PEX7: variants seen among roughly 807,000 people sequenced by gnomAD.
PEX7 encodes the protein PTS2 receptor.
PEX7 carries 34 observed loss-of-function variants against 47.5 expected under a neutral mutation model. The ratio of observed to expected loss-of-function variants is 0.72; its 90% CI spans 0.54 to 0.95. The LOEUF is 0.95. Among genes scored for constraint, PEX7 ranks in the 40% least tolerant of loss-of-function variants. PEX7 has a pLI of 0.00. For missense variants in PEX7, 394 were observed against 400.3 expected (o/e 0.98, Z 0.13); for synonymous variants, 141 against 148.8 (o/e 0.95, Z 0.38).
intron 4 of PEX7, 114 bp downstream of exon 4, chr6:136,845,806 T>C (rs1774587730): frequency 6.5e-6 from 5 of 763,580 alleles, no homozygotes; most frequent in Middle Eastern, 2.4e-4. Flanking sequence ...ACAGCTGAGC[T>C]TTCTTTTAAA....
rs750601054 is a variant in PEX7, at chr6:136,869,911, G to A, written c.655G>A (p.Val219Ile). The change falls in exon 7 of 10, where the codon GTT becomes ATT. Residue 219 changes from valine (V) to isoleucine (I), a missense_variant. Transcript: ENST00000318471. ...YNENLLVTGA[V>I]DCSLRGWDLR... The stretch of plus-strand genomic sequence containing the variant: ...TTAGAATTTGCTGGTGACCGGGGCG[G>A]TTGACTGTAGTTTGAGAGGCTGGGA... 4 of 1,613,992 alleles carry A rather than the reference G, an allele frequency of 2.5e-6. No individual in the cohort carries two copies. The highest frequency in any genetic ancestry group is 3.4e-6 in the Non-Finnish European group (4 of 1,179,896).
intron 5 of PEX7, among the ~76,000 whole-genome samples, chr6:136,860,678 AAG>A (rs538243056): frequency 0.14 from 4,991 of 35,584 alleles, 266 homozygotes; most frequent in African/African-American, 0.29. Context: ...TAAAAAAAAA[AAG>A]AAAGAAAGTG....
intron 5 of PEX7, among the ~76,000 whole-genome samples, chr6:136,858,465 G>A (rs748002697): frequency 2.0e-5 from 3 of 152,164 alleles, no homozygotes; most frequent in East Asian, 1.9e-4. Context: ...CTAGTCCAGC[G>A]ATTCTAGAAT....
chr6:136,863,391 T>G (rs966391126), intron 5 of PEX7, among the ~76,000 whole-genome samples: 1 of 152,102 alleles, frequency 6.6e-6, no homozygotes, highest in Non-Finnish European at 1.5e-5. Context: ...CAACCTTTTT[T>G]TAATGTAGCA....
At chr6:136,823,228 T>C in intron 1 of PEX7, 2 of 985,398 alleles carry the variant, frequency 2.0e-6, no homozygotes, top group Non-Finnish European at 2.4e-6. Flanking sequence ...ATTCCCAGTC[T>C]GCATTCGAGC....
At chr6:136,885,290 G>A (rs1361207967) in intron 8 of PEX7, among the ~76,000 whole-genome samples, 1 of 152,140 alleles carries the variant, frequency 6.6e-6, no homozygotes, top group East Asian at 1.9e-4. Context: ...CCAGTTTCAT[G>A]ATACTTTTAT....
intron 1 of PEX7, chr6:136,823,519 C>A: frequency 5.5e-6 from 1 of 182,524 alleles, no homozygotes; most frequent in Non-Finnish European, 1.0e-5. Context: ...GATCACATCA[C>A]TCTGCCCCAG....
At chr6:136,835,922 A>G (rs1318032764) in intron 3 of PEX7, among the ~76,000 whole-genome samples, 1 of 152,244 alleles carries the variant, frequency 6.6e-6, no homozygotes, top group Non-Finnish European at 1.5e-5. Context: ...GATGGAAACT[A>G]TAATAGAATA....
At chr6:136,911,936 A>G (rs1469037353) in intron 9 of PEX7, among the ~76,000 whole-genome samples, 1 of 152,204 alleles carries the variant, frequency 6.6e-6, no homozygotes, top group Non-Finnish European at 1.5e-5. Context: ...GCTGTTCCAC[A>G]TCCCTGCTGA....
intron 2 of PEX7, among the ~76,000 whole-genome samples, chr6:136,825,724 G>A (rs1327770376): frequency 6.6e-6 from 1 of 152,028 alleles, no homozygotes; most frequent in Non-Finnish European, 1.5e-5. Flanking sequence ...TAGTAGAGAT[G>A]GGGTTTCATC....
intron 8 of PEX7, among the ~76,000 whole-genome samples, chr6:136,897,055 T>C (rs1775664784): frequency 6.6e-6 from 1 of 152,226 alleles, no homozygotes; most frequent in Admixed American, 6.5e-5. Context: ...TTTGTAGATT[T>C]TGGTAATCTG....
At chr6:136,894,368 G>T (rs1775608067) in intron 8 of PEX7, among the ~76,000 whole-genome samples, 1 of 152,146 alleles carries the variant, frequency 6.6e-6, no homozygotes, top group Admixed American at 6.5e-5. Context: ...GAGGCGGGCA[G>T]ATCACGAGGT....
At chr6:136,897,015 T>G (rs952265499) in intron 8 of PEX7, among the ~76,000 whole-genome samples, 1 of 152,224 alleles carries the variant, frequency 6.6e-6, no homozygotes, top group African/African-American at 2.4e-5. Flanking sequence ...CAGGCAAATT[T>G]TCAAAAGTAA....
At chr6:136,912,886 A>T (rs1582786060) in intron 9 of PEX7, among the ~76,000 whole-genome samples, 1 of 152,218 alleles carries the variant, frequency 6.6e-6, no homozygotes, top group African/African-American at 2.4e-5. Flanking sequence ...GGCTCTGTAG[A>T]TGTGAATGTC....
chr6:136,872,700 A>G (rs1775203927), intron 8 of PEX7, among the ~76,000 whole-genome samples: 1 of 152,320 alleles, frequency 6.6e-6, no homozygotes, highest in Admixed American at 6.5e-5. Flanking sequence ...ATGTGTATAT[A>G]TGTGCATGGA....
chr6:136,860,407 CTCT>C (rs1217531458), intron 5 of PEX7, among the ~76,000 whole-genome samples: 1 of 118,268 alleles, frequency 8.5e-6, no homozygotes, highest in African/African-American at 3.7e-5. Context: ...CAAGCCATGG[CTCT>C]TTTTTTTTTT....
intron 8 of PEX7, among the ~76,000 whole-genome samples, chr6:136,896,715 A>G (rs1027846501): frequency 1.3e-5 from 2 of 152,174 alleles, no homozygotes; most frequent in Non-Finnish European, 2.9e-5. Flanking sequence ...GCCATATTAA[A>G]TGCTTATTTT....
rs548303895 is a variant in PEX7 at position 136,893,654 on chromosome 6, T to C, written c.804-4488T>C. 7.2e-5 allele frequency among the ~76,000 whole-genome samples: 11 copies of C among 152,394 alleles called. No individual in the cohort carries two copies. In the East Asian group the frequency reaches 1.3e-3, roughly 19 times the overall value. On this transcript the variant is annotated intron_variant, in intron 8 of 9. Coordinates refer to ENST00000318471, the MANE Select transcript of PEX7 (RefSeq NM_000288.4). ...AATAACTAAATGATGTGAAAGTAAG[T>C]GTTGTGACATTTTTGCTCCTTGCTC...
chr6:136,830,472 C>T (rs1362817161), intron 3 of PEX7, among the ~76,000 whole-genome samples: 1 of 152,110 alleles, frequency 6.6e-6, no homozygotes, highest in Non-Finnish European at 1.5e-5. Context: ...AAAACATGGA[C>T]ATTATCTGTG....
Sources: allele counts gnomAD v4.1 joint callset (sites outside exome capture counted in the v4.1 genomes callset), GRCh38; gene constraint gnomAD v4.1.1; transcripts MANE v1.5; gene names NCBI Gene and HGNC (gene_info 2026-07-23, HGNC 2026-07-21).